Variants in PPARGC1A observed in about 807,000 individuals in gnomAD.
PPARGC1A encodes peroxisome proliferator-activated receptor gamma coactivator 1-alpha.
Under a neutral mutation model 88.7 loss-of-function variants are expected in PPARGC1A, and 25 were observed. The ratio of observed to expected loss-of-function variants is 0.28; its 90% confidence interval spans 0.21 to 0.39. PPARGC1A has a LOEUF of 0.39. PPARGC1A is among the 10% of genes least tolerant of loss of function. The pLI, the probability that PPARGC1A is intolerant of heterozygous loss-of-function variation, is 1.00. For synonymous variants in PPARGC1A, 363 were observed against 355.6 expected, an observed-to-expected ratio of 1.02 and a Z score of -0.24; for missense variants, 880 against 968.7, an observed-to-expected ratio of 0.91 and a Z score of 1.22.
At chr4:24,080,851 C>T in the PPARGC1A span, among the ~76,000 whole-genome samples, 2 of 152,052 alleles carry the variant, frequency 1.3e-5, no homozygotes, top group Non-Finnish European at 2.9e-5. Flanking sequence ...AGAGCTCATG[C>T]TTGCCACATA....
chr4:24,125,271 G>A, the PPARGC1A span, among the ~76,000 whole-genome samples: 1 of 152,036 alleles, frequency 6.6e-6, no homozygotes, highest in African/African-American at 2.4e-5. Flanking sequence ...AAACTTGCCA[G>A]GTCCTCCCCC....
chr4:23,930,828 G>A, the PPARGC1A span, among the ~76,000 whole-genome samples: 1 of 152,292 alleles, frequency 6.6e-6, no homozygotes, highest in South Asian at 2.1e-4. Context: ...CCTATAATCT[G>A]TCCCATGCTG....
intron 2 of PPARGC1A, chr4:23,881,247 G>C (rs1455852806): frequency 6.6e-6 from 1 of 152,206 alleles, no homozygotes. Context: ...ATTCACTGGA[G>C]GCTGTTACCT....
the PPARGC1A span, among the ~76,000 whole-genome samples, chr4:24,268,391 G>C: frequency 1.3e-5 from 2 of 152,136 alleles, no homozygotes; most frequent in Admixed American, 1.3e-4. Context: ...AGTTTTTAAT[G>C]ATGGCCTTGC....
the PPARGC1A span, among the ~76,000 whole-genome samples, chr4:24,457,920 A>G: frequency 6.6e-6 from 1 of 152,120 alleles, no homozygotes; most frequent in Non-Finnish European, 1.5e-5. Context: ...AGTTCAGTAA[A>G]TAGAACAAGA....
the PPARGC1A span, among the ~76,000 whole-genome samples, chr4:24,207,370 C>T: frequency 1.3e-5 from 2 of 152,216 alleles, no homozygotes; most frequent in Non-Finnish European, 2.9e-5. Flanking sequence ...CAGGCCCTAA[C>T]TGCCAATTTC....
At chr4:24,015,559 G>A in the PPARGC1A span, among the ~76,000 whole-genome samples, 1 of 152,108 alleles carries the variant, frequency 6.6e-6, no homozygotes. Flanking sequence ...TTATTTCTGA[G>A]TCAAACTATC....
At chr4:24,285,437 G>A in the PPARGC1A span, among the ~76,000 whole-genome samples, 1 of 152,120 alleles carries the variant, frequency 6.6e-6, no homozygotes, top group African/African-American at 2.4e-5. Flanking sequence ...TAAAAAAACA[G>A]GTGGGGGAAA....
At chr4:24,242,760 G>A in the PPARGC1A span, among the ~76,000 whole-genome samples, 343 of 152,234 alleles carry the variant, frequency 2.3e-3, 1 homozygote, top group African/African-American at 8.0e-3. Flanking sequence ...CAGGACTCCA[G>A]TCCTGCTGGC....
the PPARGC1A span, among the ~76,000 whole-genome samples, chr4:24,099,681 G>T: frequency 2.9e-3 from 441 of 152,254 alleles, 3 homozygotes; most frequent in Non-Finnish European, 5.1e-3. Context: ...TTACGTACTT[G>T]TAACATAACT....
At chr4:24,332,490 A>G in the PPARGC1A span, among the ~76,000 whole-genome samples, 1 of 152,214 alleles carries the variant, frequency 6.6e-6, no homozygotes, top group Non-Finnish European at 1.5e-5. Flanking sequence ...TCCTCAATAA[A>G]CACTTGTTGA....
At chr4:23,953,346 T>C in the PPARGC1A span, among the ~76,000 whole-genome samples, 1 of 152,136 alleles carries the variant, frequency 6.6e-6, no homozygotes, top group African/African-American at 2.4e-5. Flanking sequence ...AATCTCTTAG[T>C]AGAAAGTATT....
At chr4:23,928,514 G>C in the PPARGC1A span, among the ~76,000 whole-genome samples, 2 of 152,206 alleles carry the variant, frequency 1.3e-5, 1 homozygote, top group East Asian at 3.9e-4. Flanking sequence ...ATGTAAATTA[G>C]TTCCACCATT....
the PPARGC1A span, among the ~76,000 whole-genome samples, chr4:24,050,862 T>A: frequency 6.0e-4 from 91 of 152,208 alleles, no homozygotes; most frequent in African/African-American, 1.9e-3. Flanking sequence ...CCAATCAACA[T>A]TTTATTTAGA....
chr4:24,304,135 A>G, the PPARGC1A span, among the ~76,000 whole-genome samples: 15 of 152,208 alleles, frequency 9.9e-5, no homozygotes, highest in Non-Finnish European at 1.9e-4. Flanking sequence ...AGAACTGAGA[A>G]TACATTGTTC....
chr4:24,432,838 G>A, the PPARGC1A span, among the ~76,000 whole-genome samples: 52 of 152,322 alleles, frequency 3.4e-4, no homozygotes, highest in African/African-American at 9.6e-4. Flanking sequence ...TCAGGTGGCC[G>A]CCTTGCGGTT....
chr4:24,156,283 A>G, the PPARGC1A span, among the ~76,000 whole-genome samples: 1 of 151,656 alleles, frequency 6.6e-6, no homozygotes, highest in Non-Finnish European at 1.5e-5. Context: ...TAACATATCC[A>G]CCCCCGGGTG....
chr4:24,213,203 G>C, the PPARGC1A span, among the ~76,000 whole-genome samples: 2 of 132,456 alleles, frequency 1.5e-5, no homozygotes, highest in African/African-American at 6.0e-5. Flanking sequence ...GCCTTGCTCT[G>C]TCGCCCAGGC....
At chr4:23,906,041 G>A (rs917928166), upstream of PPARGC1A, among the ~76,000 whole-genome samples, 1 of 152,100 alleles carries the variant, frequency 6.6e-6, no homozygotes, top group Non-Finnish European at 1.5e-5. Flanking sequence ...GCCAACACAT[G>A]GCACCCTGCT....
Sources: allele counts gnomAD v4.1 joint callset (sites outside exome capture counted in the v4.1 genomes callset), GRCh38; gene constraint gnomAD v4.1.1; transcripts MANE v1.5; gene names NCBI Gene and HGNC (gene_info 2026-07-23, HGNC 2026-07-21).